GRID1: variants seen among roughly 807,000 people sequenced by gnomAD.
GRID1 encodes the protein glutamate receptor ionotropic, delta-1.
A neutral mutation model predicts 98.0 loss-of-function variants in GRID1; 28 were observed. The ratio of observed to expected loss-of-function variants is 0.29; its 90% confidence interval spans 0.21 to 0.39. GRID1 has a LOEUF of 0.39. Ranked by LOEUF, GRID1 falls within the 10% of genes least tolerant of loss-of-function variation. The pLI is 1.00. For synonymous variants in GRID1, 553 were observed against 538.5 expected, an observed-to-expected ratio of 1.03 and a Z score of -0.37; for missense variants, 1,111 against 1,340.5, an observed-to-expected ratio of 0.83 and a Z score of 2.67.
intron 4 of GRID1, among the ~76,000 whole-genome samples, chr10:86,088,939 C>T (rs1364383772): frequency 6.6e-6 from 1 of 152,024 alleles, no homozygotes; most frequent in Non-Finnish European, 1.5e-5. Context: ...CTCTATCTAG[C>T]CAAAGGTCCA....
At chr10:85,846,939 C>T (rs1168107755) in intron 8 of GRID1, among the ~76,000 whole-genome samples, 1 of 152,164 alleles carries the variant, frequency 6.6e-6, no homozygotes, top group East Asian at 1.9e-4. Context: ...TTCTTTCCAG[C>T]GTTCAAGAGC....
intron 4 of GRID1, among the ~76,000 whole-genome samples, chr10:86,056,752 T>C (rs745899403): frequency 3.3e-5 from 5 of 152,238 alleles, no homozygotes; most frequent in South Asian, 2.1e-4. Context: ...GTGGATCTTA[T>C]AGCAGAGACT....
intron 5 of GRID1, among the ~76,000 whole-genome samples, chr10:85,878,307 A>G (rs1840934968): frequency 6.6e-6 from 1 of 152,060 alleles, no homozygotes; most frequent in Non-Finnish European, 1.5e-5. Context: ...CAACTCCAAG[A>G]CACATAATTG....
intron 8 of GRID1, among the ~76,000 whole-genome samples, chr10:85,804,944 G>GA (rs1036244792): frequency 6.0e-5 from 9 of 150,412 alleles, no homozygotes; most frequent in African/African-American, 2.2e-4. Context: ...AGGTACAAAA[G>GA]AAAAAACCAC....
chr10:85,882,589 A>T lies in GRID1; in HGVS notation c.781-13409T>A, dbSNP rs560986817. On this transcript the variant is annotated intron_variant, in intron 5 of 15. Transcript: ENST00000327946. ...TTGAACAATGAGAACACATGGACAC[A>T]GGAAGGGGAACATCACACTCCCGGA... is the stretch of plus-strand genomic sequence containing the variant. Among the ~76,000 whole-genome samples, 3 of 152,262 alleles carry T rather than the reference A, an allele frequency of 2.0e-5. No individual in the cohort carries two copies. The East Asian group carries it at 5.8e-4, about 29-fold the overall frequency.
intron 13 of GRID1, among the ~76,000 whole-genome samples, chr10:85,639,412 C>A (rs560925440): frequency 1.3e-5 from 2 of 152,240 alleles, no homozygotes; most frequent in East Asian, 1.9e-4. Context: ...GTTGTCTCTG[C>A]AGATGAGGAG....
chr10:85,848,637 G>A (rs1407418860), intron 8 of GRID1, among the ~76,000 whole-genome samples: 1 of 152,130 alleles, frequency 6.6e-6, no homozygotes, highest in Non-Finnish European at 1.5e-5. Context: ...AACATTAACA[G>A]TATTTAATTC....
chr10:86,325,437 T>C (rs1294342056), intron 2 of GRID1, among the ~76,000 whole-genome samples: 6 of 152,132 alleles, frequency 3.9e-5, no homozygotes, highest in Non-Finnish European at 8.8e-5. Context: ...TTATGCTCCC[T>C]CTCGAGACCC....
intron 2 of GRID1, among the ~76,000 whole-genome samples, chr10:86,343,128 A>G (rs1381019627): frequency 1.3e-5 from 2 of 152,204 alleles, no homozygotes; most frequent in Non-Finnish European, 2.9e-5. Context: ...AGATGTTCAG[A>G]ATTCCATCCA....
chr10:86,214,854 G>A (rs1846152978), intron 2 of GRID1, among the ~76,000 whole-genome samples: 1 of 152,174 alleles, frequency 6.6e-6, no homozygotes, highest in African/African-American at 2.4e-5. Context: ...GGGCTACAAA[G>A]CAAGACTCCG....
chr10:85,831,323 C>G (rs1051558921), intron 8 of GRID1, among the ~76,000 whole-genome samples: 2 of 152,002 alleles, frequency 1.3e-5, no homozygotes, highest in Non-Finnish European at 2.9e-5. Flanking sequence ...GAAAAGCTAC[C>G]TATCAGGTAC....
intron 4 of GRID1, among the ~76,000 whole-genome samples, chr10:86,052,183 G>C (rs1452211211): frequency 6.6e-6 from 1 of 152,088 alleles, no homozygotes; most frequent in Admixed American, 6.5e-5. Context: ...TCAATGTGAA[G>C]AAAAAGTATA....
At chr10:86,235,113 G>A (rs1846517173) in intron 2 of GRID1, among the ~76,000 whole-genome samples, 1 of 152,204 alleles carries the variant, frequency 6.6e-6, no homozygotes, top group African/African-American at 2.4e-5. Flanking sequence ...CTCTCCTTGG[G>A]CCTTGCACAC....
At chr10:86,041,532 G>A (rs533461507) in intron 4 of GRID1, among the ~76,000 whole-genome samples, 1 of 152,210 alleles carries the variant, frequency 6.6e-6, no homozygotes, top group South Asian at 2.1e-4. Context: ...TCCATAGTGG[G>A]GCCAGTCAGG....
chr10:86,364,515 G>T (rs1398776757), intron 1 of GRID1, among the ~76,000 whole-genome samples: 2 of 150,060 alleles, frequency 1.3e-5, no homozygotes, highest in Non-Finnish European at 1.5e-5. Flanking sequence ...CGGGAGGGTG[G>T]TGTCCCCCAC....
intron 13 of GRID1, among the ~76,000 whole-genome samples, chr10:85,644,974 GC>G (rs1337110645): frequency 6.6e-6 from 1 of 152,162 alleles, no homozygotes; most frequent in Non-Finnish European, 1.5e-5. Flanking sequence ...GCCTGTGCAA[GC>G]CTCTTGCCAG....
At chr10:85,721,973 G>A (rs1841707619) in intron 12 of GRID1, among the ~76,000 whole-genome samples, 1 of 152,168 alleles carries the variant, frequency 6.6e-6, no homozygotes, top group Non-Finnish European at 1.5e-5. Context: ...ATTGAGAAAA[G>A]TGGGTAAAGG....
chr10:86,177,931 G>A (rs540425267), intron 3 of GRID1, among the ~76,000 whole-genome samples: 14 of 152,310 alleles, frequency 9.2e-5, no homozygotes, highest in African/African-American at 3.4e-4. Flanking sequence ...GAGACAGTGA[G>A]ACAAAGAGAT....
intron 8 of GRID1, among the ~76,000 whole-genome samples, chr10:85,750,865 G>A (rs915418664): frequency 5.9e-5 from 9 of 152,184 alleles, no homozygotes; most frequent in African/African-American, 1.4e-4. Flanking sequence ...CCAATTATAT[G>A]AGAATTGTAA....
Sources: allele counts gnomAD v4.1 joint callset (sites outside exome capture counted in the v4.1 genomes callset), GRCh38; gene constraint gnomAD v4.1.1; transcripts MANE v1.5; gene names NCBI Gene and HGNC (gene_info 2026-07-23, HGNC 2026-07-21).